PACS2: variants seen among roughly 807,000 people sequenced by gnomAD.
The protein encoded by PACS2 is PACS1-like protein.
PACS2 carries 36 observed loss-of-function variants against 113.0 expected under a neutral mutation model. The ratio of observed to expected loss-of-function variants is 0.32; its 90% confidence interval spans 0.24 to 0.42. The LOEUF is 0.42. PACS2 is among the 10% of genes least tolerant of loss of function. The probability of loss-of-function intolerance (pLI) is 1.00; values close to 1 mark genes in which losing one functional copy is unlikely to be tolerated. For missense variants in PACS2, 1,015 were observed against 1,239.5 expected, an observed-to-expected ratio of 0.82 and a Z score of 2.72; for synonymous variants, 589 against 536.1, an observed-to-expected ratio of 1.10 and a Z score of -1.36.
chr14:105,352,329 C>A (rs375132260), intron 2 of PACS2, 49 bp from the exon 3 acceptor site: 2 of 1,228,954 alleles, frequency 1.6e-6, no homozygotes, highest in African/African-American at 1.5e-5. Context: ...GCCTGGTTTC[C>A]TGCTGATATG....
At chr14:105,385,351 T>G (rs1228046940) in intron 18 of PACS2, among the ~76,000 whole-genome samples, 1 of 152,216 alleles carries the variant, frequency 6.6e-6, no homozygotes, top group Non-Finnish European at 1.5e-5. Context: ...GAACGAAGGA[T>G]TCCCTGGGCC....
At chr14:105,321,513 C>T (rs913774357) in intron 1 of PACS2, among the ~76,000 whole-genome samples, 3 of 152,012 alleles carry the variant, frequency 2.0e-5, no homozygotes, top group Admixed American at 6.6e-5. Flanking sequence ...CAGGTGTGCA[C>T]CACCACACCT....
chr14:105,368,695 T>TG (rs1284453530), intron 7 of PACS2, among the ~76,000 whole-genome samples, 156 bp downstream of exon 7: 2 of 152,206 alleles, frequency 1.3e-5, no homozygotes, highest in Non-Finnish European at 1.5e-5. Context: ...GCCAGTCTCC[T>TG]GCCGGGTGCC....
At chr14:105,321,655 C>T (rs4609776) in intron 1 of PACS2, among the ~76,000 whole-genome samples, 1,586 of 152,072 alleles carry the variant, frequency 0.01, 32 homozygotes, top group African/African-American at 0.036. Flanking sequence ...GAACCACTAA[C>T]GCCCCGTCAC....
rs1309953600 is a variant in PACS2 at position 105,357,134 on chromosome 14, C to T, written c.423+1957C>T. Among the ~76,000 whole-genome samples, 1 of 152,184 alleles carries T rather than the reference C, an allele frequency of 6.6e-6. No individual in the cohort carries two copies. The highest frequency in any genetic ancestry group is 2.4e-5 in the African/African-American group (1 of 41,442). On this transcript the variant is annotated intron_variant, in intron 4 of 24. Transcript: ENST00000447393. This position sits in a 1 kb window ranked among gnomAD's most constrained non-coding sequence, Gnocchi z 5.1. The stretch of plus-strand genomic sequence containing the variant: ...CCAGGCGGCTCCTCCCAGCCCCTCT[C>T]AGCACTGGTGCTTCTGTGTTTGACG...
rs976163289 is a variant in PACS2, at chr14:105,359,829, G to A, written c.423+4652G>A. 3.3e-5 allele frequency among the ~76,000 whole-genome samples: 5 copies of A among 152,246 alleles called. No individual in the cohort carries two copies. The East Asian group carries it at 7.7e-4, about 23-fold the overall frequency. ...GATGGTCTCGATCTCCTGACCTCGC[G>A]ATCCGCCCACCTTGGTCTCCCAAAG... On this transcript the variant is annotated intron_variant, in intron 4 of 24. Transcript: ENST00000447393.
chr14:105,320,981 C>T (rs769200899), intron 1 of PACS2, among the ~76,000 whole-genome samples: 2 of 152,168 alleles, frequency 1.3e-5, no homozygotes, highest in African/African-American at 4.8e-5. Context: ...AGTGAAATCC[C>T]ATCTCTACTA....
rs941284304 is a variant in PACS2, at chr14:105,300,973, C to G, written c.-89C>G. On this transcript the variant is annotated 5_prime_UTR_variant, in exon 1 of 24. Transcript: ENST00000430725. The stretch of plus-strand genomic sequence containing the variant: ...GGGCTTCGGCGGAACCCGAGCGGGG[C>G]CTACCGGTGAGCGCAGCCGAGGACT... 1.9e-5 allele frequency: 3 copies of G among 153,934 alleles called. No individual in the cohort carries two copies. In the Admixed American group the frequency reaches 2.0e-4, roughly 10 times the overall value. 9.5% of individuals were successfully genotyped at this position (153,934 alleles called of 1,614,324 possible). A position where few individuals can be genotyped will look rare whatever the true frequency, so the allele number is the denominator to read the frequency against.
intron 1 of PACS2, among the ~76,000 whole-genome samples, chr14:105,307,491 G>C (rs895767421): frequency 6.6e-6 from 1 of 151,654 alleles, no homozygotes; most frequent in African/African-American, 2.4e-5. Context: ...GCTTCCCCAC[G>C]TGCCCCTCCT....
At position 105,366,075 on chromosome 14, in the gene PACS2, C is replaced by A. The variant is rs782773698; in HGVS notation, c.424-1138C>A. On this transcript the variant is annotated intron_variant, in intron 4 of 24. Transcript: ENST00000447393. This position sits in a 1 kb window ranked among gnomAD's most constrained non-coding sequence, Gnocchi z 4.3. ...ATCAAAATAAATCTGGTCGGCTGGG[C>A]GTGGTGGCTCACGCCTGTAATCCCA... 2.0e-5 allele frequency among the ~76,000 whole-genome samples: 3 copies of A among 152,210 alleles called. No homozygotes were observed. The highest frequency in any genetic ancestry group is 2.9e-5 in the Non-Finnish European group (2 of 68,030).
At chr14:105,333,004 C>G (rs761339821) in intron 1 of PACS2, among the ~76,000 whole-genome samples, 2 of 152,142 alleles carry the variant, frequency 1.3e-5, no homozygotes, top group African/African-American at 2.4e-5. Flanking sequence ...TGGGCTGCGT[C>G]GTGGTTTCTC....
At position 105,330,076 on chromosome 14, in the gene PACS2, G is replaced by A. The variant is rs2059246998; in HGVS notation, c.119+15039G>A. ...CCGAGAAGCCTGGGGTCCATGTGTGGGAAGGAACGGGGACAGGGAGCCTCC... is the reference window on the plus strand; with the variant it reads ...CCGAGAAGCCTGGGGTCCATGTGTGAGAAGGAACGGGGACAGGGAGCCTCC... On this transcript the variant is annotated intron_variant, in intron 1 of 24. Transcript: ENST00000447393. This position sits in a 1 kb window ranked among gnomAD's most constrained non-coding sequence, Gnocchi z 6.9. Among the ~76,000 whole-genome samples the A allele has an allele frequency of 6.6e-6, 1 of 151,364 alleles. No homozygotes were observed. The highest frequency in any genetic ancestry group is 2.1e-4 in the South Asian group (1 of 4,738).
chr14:105,384,822 C>T (rs2141260874), intron 17 of PACS2, 57 bp from the exon 18 acceptor site: 1 of 1,183,224 alleles, frequency 8.5e-7, no homozygotes, highest in Non-Finnish European at 1.2e-6. Flanking sequence ...CAGCTTAGCC[C>T]CGCCTGCAAC....
At position 105,309,241 on chromosome 14, in the gene PACS2, C is replaced by G. The variant is rs2058278793; in HGVS notation, c.-83+8262C>G. Among the ~76,000 whole-genome samples the G allele has an allele frequency of 2.6e-5, 4 of 152,302 alleles. No individual in the cohort carries two copies. The highest frequency in any genetic ancestry group is 2.0e-4 in the Admixed American group (3 of 15,294). ...TGTTAAAATTTATGCATCAAGGTCC[C>G]TCTTAATCTTGGGGCTCAGGATAAC... On this transcript the variant is annotated intron_variant, in intron 1 of 23. Coordinates refer to the PACS2 transcript ENST00000430725. This position sits in a 1 kb window ranked among gnomAD's most constrained non-coding sequence, Gnocchi z 4.0.
At chr14:105,333,109 G>A (rs1272955454) in intron 1 of PACS2, among the ~76,000 whole-genome samples, 1 of 148,992 alleles carries the variant, frequency 6.7e-6, no homozygotes, top group Non-Finnish European at 1.5e-5. Flanking sequence ...AGAGAGAGAC[G>A]CATACCCACT....
At chr14:105,363,125 G>C (rs184605224) in intron 4 of PACS2, among the ~76,000 whole-genome samples, 39 of 152,306 alleles carry the variant, frequency 2.6e-4, no homozygotes, top group African/African-American at 8.7e-4. Context: ...TCAGAACACA[G>C]ACAGTCGACT....
Position 105,316,489 on chromosome 14 carries a change from G to A in PACS2, c.119+1452G>A, listed in dbSNP as rs587640842. ...CCCCAGAACCTTCATGCGGGCTGTT[G>A]GCGCTCCCCTGCTCCAGCACTGCAG... On this transcript the variant is annotated intron_variant, in intron 1 of 24. Coordinates refer to ENST00000447393, the MANE Select transcript of PACS2 (RefSeq NM_001100913.3). 1.4e-4 allele frequency among the ~76,000 whole-genome samples: 22 copies of A among 152,326 alleles called. No homozygotes were observed. In the South Asian group the frequency reaches 1.9e-3, roughly 13 times the overall value.
At chr14:105,389,830 T>C in intron 19 of PACS2, 131 bp from the exon 20 acceptor site, 1 of 816,476 alleles carries the variant, frequency 1.2e-6, no homozygotes, top group Non-Finnish European at 2.2e-6. Context: ...AGGGCAGGGC[T>C]GTCCGGCAGG....
intron 4 of PACS2, among the ~76,000 whole-genome samples, chr14:105,364,094 T>A (rs941018055): frequency 1.3e-5 from 2 of 151,990 alleles, no homozygotes; most frequent in Admixed American, 6.6e-5. Context: ...ATAATAATAG[T>A]GAAGAAGTTT....
Sources: gnomAD v4.1 joint callset for allele counts (sites outside exome capture counted in the v4.1 genomes callset) on GRCh38, gnomAD v4.1.1 for gene constraint, Gnocchi (gnomAD v3.1) non-coding constraint, MANE v1.5 for transcripts, NCBI Gene and HGNC (gene_info 2026-07-23, HGNC 2026-07-21) for gene names.